PRAG1: variants seen among roughly 807,000 people sequenced by gnomAD.
PRAG1 encodes PEAK1 related, kinase-activating pseudokinase 1.
In PRAG1, 110 loss-of-function variants were observed where a neutral mutation model predicts 95.6. The ratio of observed to expected loss-of-function variants is 1.15; its 90% CI spans 0.99 to 1.35. PRAG1 has a LOEUF of 1.35. PRAG1 is among the 40% of genes most tolerant of loss of function. The pLI is 0.00. For synonymous variants in PRAG1, 1,052 were observed against 819.4 expected, an observed-to-expected ratio of 1.28 and a Z score of -4.85; for missense variants, 2,554 against 1,864.7, an observed-to-expected ratio of 1.37 and a Z score of -6.81.
intron 3 of PRAG1, among the ~76,000 whole-genome samples, chr8:8,341,403 G>T (rs1227217911): frequency 6.6e-6 from 1 of 151,818 alleles, no homozygotes. Flanking sequence ...TCAGGTGCCA[G>T]ATACAAAGAG....
At chr8:8,367,898 C>T (rs995120747) in intron 3 of PRAG1, among the ~76,000 whole-genome samples, 2 of 152,172 alleles carry the variant, frequency 1.3e-5, no homozygotes, top group Admixed American at 6.5e-5. Context: ...GCCTCAGCCT[C>T]CCAAAATGCT....
chr8:8,326,858 C>G (rs942893409), intron 5 of PRAG1, among the ~76,000 whole-genome samples: 1 of 152,174 alleles, frequency 6.6e-6, no homozygotes, highest in African/African-American at 2.4e-5. Flanking sequence ...TCTGTAAAAC[C>G]TACCTAACCT....
At chr8:8,354,532 A>G (rs780401804) in intron 3 of PRAG1, among the ~76,000 whole-genome samples, 7 of 152,222 alleles carry the variant, frequency 4.6e-5, no homozygotes, top group Admixed American at 1.3e-4. Context: ...TCAATTCTCA[A>G]TAAAGTATTG....
At chr8:8,338,795 A>C (rs1276316707) in intron 4 of PRAG1, among the ~76,000 whole-genome samples, 2 of 152,198 alleles carry the variant, frequency 1.3e-5, no homozygotes, top group African/African-American at 4.8e-5. Flanking sequence ...TACAAGTCTA[A>C]ATCCAACATG....
At chr8:8,368,492 T>C (rs1446702512) in intron 3 of PRAG1, among the ~76,000 whole-genome samples, 2 of 152,234 alleles carry the variant, frequency 1.3e-5, no homozygotes, top group African/African-American at 4.8e-5. Flanking sequence ...AATTTATTAC[T>C]GCAGAAAGAG....
chr8:8,339,644 G>T lies in PRAG1; in HGVS notation c.2163-9C>A. 1 of 1,607,548 alleles carries T rather than the reference G, an allele frequency of 6.2e-7. No individual in the cohort carries two copies. Among genetic ancestry groups the T allele is most frequent in the Admixed American group, 1.7e-5 (1 of 59,910 alleles). ...TCATTTTTAGAAGGTGCCTGGAAAA[G>T]GTAGGAACAAACAATACAAATAACT... On this transcript the variant is annotated splice_polypyrimidine_tract_variant and intron_variant, in intron 3 of 5. Coordinates refer to ENST00000615670, the MANE Select transcript of PRAG1 (RefSeq NM_001080826.3).
intron 5 of PRAG1, among the ~76,000 whole-genome samples, chr8:8,325,243 G>A (rs963722685): frequency 3.9e-5 from 6 of 152,164 alleles, no homozygotes; most frequent in Non-Finnish European, 8.8e-5. Flanking sequence ...CCCCCCCAAT[G>A]ACCAGGCCAG....
At chr8:8,345,367 C>CAAA (rs202100503) in intron 3 of PRAG1, among the ~76,000 whole-genome samples, 4 of 79,048 alleles carry the variant, frequency 5.1e-5, no homozygotes, top group African/African-American at 1.3e-4. Context: ...CCTGTCTCTA[C>CAAA]AAAAAAAAAA....
chr8:8,331,396 G>A (rs533606975), intron 4 of PRAG1, among the ~76,000 whole-genome samples: 69 of 152,212 alleles, frequency 4.5e-4, no homozygotes, highest in Admixed American at 1.2e-3. Flanking sequence ...CCCTGCCTGA[G>A]TTTCCTCCTT....
intron 1 of PRAG1, among the ~76,000 whole-genome samples, chr8:8,384,910 T>C (rs1218568006): frequency 1.3e-5 from 2 of 152,112 alleles, no homozygotes; most frequent in Non-Finnish European, 2.9e-5. Context: ...ATCCAAGTCA[T>C]GAAAAAAATG....
intron 2 of PRAG1, among the ~76,000 whole-genome samples, chr8:8,379,263 G>A (rs1387447369): frequency 1.3e-5 from 2 of 152,224 alleles, no homozygotes; most frequent in Non-Finnish European, 2.9e-5. Flanking sequence ...GAGCCTGTGC[G>A]AGTGGTTGGA....
chr8:8,382,730 G>A (rs1563260998), intron 1 of PRAG1, among the ~76,000 whole-genome samples: 2 of 152,188 alleles, frequency 1.3e-5, no homozygotes, highest in Non-Finnish European at 2.9e-5. Flanking sequence ...ATTCACCACT[G>A]AGAAGGAGCT....
In PRAG1 at chr8:8,377,185, C is replaced by G. The variant is rs1486523221; in HGVS notation, c.1224G>C (p.Gln408His). Reference sequence around the variant, plus strand: ...TGCTCTCAGCATAGATGGGTTCAGGCTGTGTAGCCTCCCGGGGGTGGGCCG... The same window carrying G: ...TGCTCTCAGCATAGATGGGTTCAGGGTGTGTAGCCTCCCGGGGGTGGGCCG... Reference protein sequence around the residue: ...QPPAHPREATQPEPIYAESTK... With the variant: ...QPPAHPREATHPEPIYAESTK... The change falls in exon 3 of 6, where the codon CAG becomes CAC. Residue 408 changes from glutamine to histidine, a missense_variant. Transcript: ENST00000615670. 2 of 1,611,604 alleles carry G rather than the reference C, an allele frequency of 1.2e-6. No individual in the cohort carries two copies. Among genetic ancestry groups the G allele is most frequent in the Non-Finnish European group, 1.7e-6 (2 of 1,179,688 alleles).
At chr8:8,320,427 G>A (rs1372723117) in intron 5 of PRAG1, among the ~76,000 whole-genome samples, 1 of 152,164 alleles carries the variant, frequency 6.6e-6, no homozygotes, top group African/African-American at 2.4e-5. Context: ...ACAAATGGCA[G>A]TGCCAGCCAC....
At position 8,345,319 on chromosome 8, in the gene PRAG1, C is replaced by T. The variant is rs1799301406; in HGVS notation, c.2163-5684G>A. Among the ~76,000 whole-genome samples the T allele has an allele frequency of 2.1e-5, 3 of 146,128 alleles. No individual in the cohort carries two copies. The South Asian group carries it at 6.5e-4, about 31-fold the overall frequency. On this transcript the variant is annotated intron_variant, in intron 3 of 5. Transcript: ENST00000615670. Reference sequence around the variant, plus strand: ...GCCGAGGTGGGAGGATCACTTGAGCCTGGAAGTTTGATACCAGCCTAAGCA... The same window carrying T: ...GCCGAGGTGGGAGGATCACTTGAGCTTGGAAGTTTGATACCAGCCTAAGCA...
At chr8:8,346,809 C>T (rs966473998) in intron 3 of PRAG1, among the ~76,000 whole-genome samples, 37 of 152,268 alleles carry the variant, frequency 2.4e-4, no homozygotes, top group African/African-American at 8.4e-4. Context: ...ATTCTCACTG[C>T]CCCTGACTTT....
chr8:8,319,310 G>A lies in PRAG1; in HGVS notation c.3073-8C>T. On this transcript the variant is annotated splice_region_variant and splice_polypyrimidine_tract_variant and intron_variant, in intron 5 of 5. Coordinates refer to ENST00000615670, the MANE Select transcript of PRAG1 (RefSeq NM_001080826.3). ...CTCAGGGGCTTTGCAGATCTGTGGAGAGAAGAAGAAGTGAAATCAAGAGTG... is the reference window on the plus strand; with the variant it reads ...CTCAGGGGCTTTGCAGATCTGTGGAAAGAAGAAGAAGTGAAATCAAGAGTG... 6.7e-7 allele frequency: 1 copy of A among 1,491,060 alleles called. No individual in the cohort carries two copies. Among genetic ancestry groups the A allele is most frequent in the South Asian group, 1.4e-5 (1 of 71,894 alleles). 92.4% of individuals were successfully genotyped at this position (1,491,060 alleles called of 1,614,324 possible).
intron 3 of PRAG1, among the ~76,000 whole-genome samples, chr8:8,367,941 G>A (rs1165512315): frequency 6.6e-6 from 1 of 152,100 alleles, no homozygotes; most frequent in Non-Finnish European, 1.5e-5. Flanking sequence ...ACGCCTGGCC[G>A]TATATAGTGT....
chr8:8,361,245 C>T (rs950135314), intron 3 of PRAG1, among the ~76,000 whole-genome samples: 9 of 152,170 alleles, frequency 5.9e-5, no homozygotes, highest in African/African-American at 1.4e-4. Context: ...AGGGAAGATT[C>T]TGAATATCCT....
Sources: allele counts gnomAD v4.1 joint callset (sites outside exome capture counted in the v4.1 genomes callset), GRCh38; gene constraint gnomAD v4.1.1; transcripts MANE v1.5; gene names NCBI Gene and HGNC (gene_info 2026-07-23, HGNC 2026-07-21).